ADCY3: variants seen among roughly 807,000 people sequenced by gnomAD.
ADCY3 encodes the protein adenylate cyclase 3.
In ADCY3, 70 loss-of-function variants were observed where a neutral mutation model predicts 119.4. That is an observed-to-expected ratio of 0.59 (90% CI 0.48 to 0.72). The LOEUF (loss-of-function observed/expected upper bound fraction) is 0.72, where lower values mean the gene tolerates loss of function less well. ADCY3 is among the 30% of genes least tolerant of loss of function. ADCY3 has a pLI of 0.00. For missense variants in ADCY3, 1,238 were observed against 1,541.6 expected, an observed-to-expected ratio of 0.80 and a Z score of 3.30; for synonymous variants, 672 against 621.4, an observed-to-expected ratio of 1.08 and a Z score of -1.21.
chr2:24,910,023 G>C (rs1279149045), intron 2 of ADCY3, among the ~76,000 whole-genome samples: 1 of 152,166 alleles, frequency 6.6e-6, no homozygotes, highest in Non-Finnish European at 1.5e-5. Context: ...GAGCTCTGAG[G>C]CTCCAGACAT....
chr2:24,843,117 C>T (rs56207248), intron 3 of ADCY3, among the ~76,000 whole-genome samples: 10,584 of 152,262 alleles, frequency 0.07, 424 homozygotes, highest in East Asian at 0.17. Context: ...ACACGCAAAG[C>T]GCACCAGGGT....
chr2:24,831,635 T>G (rs1456829803), intron 12 of ADCY3, 27 bp downstream of exon 12: 2 of 1,593,070 alleles, frequency 1.3e-6, no homozygotes, highest in South Asian at 1.1e-5. Flanking sequence ...CAGAGGCTTC[T>G]GAGCTCAGTA....
intron 3 of ADCY3, among the ~76,000 whole-genome samples, chr2:24,847,141 G>A (rs1671745790): frequency 6.6e-6 from 1 of 152,150 alleles, no homozygotes. Context: ...GACCCAGAGG[G>A]AGATCATTGA....
chr2:24,904,906 G>A (rs1679299615), intron 2 of ADCY3, among the ~76,000 whole-genome samples: 1 of 152,108 alleles, frequency 6.6e-6, no homozygotes, highest in African/African-American at 2.4e-5. Context: ...CTCCCAAAGT[G>A]TTAGGATTAC....
At chr2:24,830,416 T>G (rs1669326736) in intron 13 of ADCY3, among the ~76,000 whole-genome samples, 1 of 152,166 alleles carries the variant, frequency 6.6e-6, no homozygotes, top group Admixed American at 6.5e-5. Context: ...TTTTCACAGA[T>G]TAAATGAATC....
At chr2:24,904,988 T>G (rs1056212773) in intron 2 of ADCY3, among the ~76,000 whole-genome samples, 2 of 152,036 alleles carry the variant, frequency 1.3e-5, no homozygotes, top group Admixed American at 1.3e-4. Flanking sequence ...ATTGTGTTGT[T>G]TTTGCTTTTT....
At chr2:24,844,751 A>G (rs1671470512) in intron 3 of ADCY3, among the ~76,000 whole-genome samples, 1 of 152,234 alleles carries the variant, frequency 6.6e-6, no homozygotes. Flanking sequence ...GAATCACACC[A>G]TTAGGACAAG....
intron 2 of ADCY3, among the ~76,000 whole-genome samples, chr2:24,891,428 T>C (rs1473257023): frequency 6.6e-6 from 1 of 152,186 alleles, no homozygotes; most frequent in South Asian, 2.1e-4. Flanking sequence ...TTGGTAGCTG[T>C]CTCGGTTATG....
intron 2 of ADCY3, among the ~76,000 whole-genome samples, chr2:24,906,303 T>TA (rs1161889913): frequency 1.4e-4 from 21 of 150,304 alleles, no homozygotes; most frequent in Middle Eastern, 3.4e-3. Context: ...TGAGACTGTT[T>TA]AAAAAAAAAA....
At position 24,834,423 on chromosome 2, in the gene ADCY3, G is replaced by A. The variant is rs1297631355; in HGVS notation, c.1967+62C>T. 24 of 1,388,702 alleles carry A rather than the reference G, an allele frequency of 1.7e-5. No homozygotes were observed. Among genetic ancestry groups the A allele is most frequent in the South Asian group, 3.1e-5 (2 of 65,264 alleles). The allele number at this position is 1,388,702 out of a possible 1,614,324, so 86.0% of individuals were successfully genotyped here. ...GGCTCCCGCTGAGACACCTGCCCCC[G>A]CCCCCCGCCCGGCACCACCGCAGCC... On this transcript the variant is annotated intron_variant, in intron 11 of 21. Coordinates refer to ENST00000679454, the MANE Select transcript of ADCY3 (RefSeq NM_004036.5). The surrounding 1 kb of genome is among the most constrained non-coding windows in gnomAD (Gnocchi z 4.2).
chr2:24,850,777 C>T (rs974330944), intron 3 of ADCY3, among the ~76,000 whole-genome samples: 12 of 152,190 alleles, frequency 7.9e-5, no homozygotes, highest in African/African-American at 2.9e-4. Context: ...TAAAATGACA[C>T]ATCCTCTGGA....
rs1256260976 is a variant in ADCY3 at position 24,819,384 on chromosome 2, A to G, written c.*548T>C. 6.6e-6 allele frequency: 1 copy of G among 152,664 alleles called. No homozygotes were observed. Among genetic ancestry groups the G allele is most frequent in the Admixed American group, 6.5e-5 (1 of 15,276 alleles). 9.5% of individuals were successfully genotyped at this position (152,664 alleles called of 1,614,324 possible). On this transcript the variant is annotated 3_prime_UTR_variant, in exon 22 of 22. Transcript: ENST00000679454. ...AATCCCCCCTCCCCTGCCAGGTGAA[A>G]GGAAATATTGCACTTTCTGTTCTCA...
At chr2:24,917,906 T>C (rs1424372239) in intron 2 of ADCY3, among the ~76,000 whole-genome samples, 2 of 152,232 alleles carry the variant, frequency 1.3e-5, no homozygotes, top group South Asian at 2.1e-4. Flanking sequence ...AAAGGGGCAC[T>C]GAGTCCACAC....
At chr2:24,829,613 G>A (rs1354647846) in intron 13 of ADCY3, among the ~76,000 whole-genome samples, 6 of 151,284 alleles carry the variant, frequency 4.0e-5, no homozygotes, top group African/African-American at 4.9e-5. Context: ...AGTAGAGACG[G>A]GGTTTCAACT....
chr2:24,832,378 G>A (rs749219725), intron 11 of ADCY3, among the ~76,000 whole-genome samples: 1 of 152,104 alleles, frequency 6.6e-6, no homozygotes. Context: ...GACAGAGCAC[G>A]GAGCAGCATC....
At chr2:24,852,927 C>T (rs1358229333) in intron 3 of ADCY3, among the ~76,000 whole-genome samples, 3 of 151,860 alleles carry the variant, frequency 2.0e-5, no homozygotes, top group East Asian at 1.9e-4. Flanking sequence ...AGCCACGGAC[C>T]GTGAGGCACA....
intron 6 of ADCY3, chr2:24,840,743 G>A: frequency 2.9e-6 from 1 of 347,422 alleles, no homozygotes; most frequent in Non-Finnish European, 6.0e-6. Context: ...CAAGAGTAGG[G>A]GACAGTGAGG....
At chr2:24,829,723 C>T (rs955083340) in intron 13 of ADCY3, among the ~76,000 whole-genome samples, 4 of 144,164 alleles carry the variant, frequency 2.8e-5, no homozygotes, top group African/African-American at 1.0e-4. Context: ...CGCCCGGCAC[C>T]GTGTGCTCCA....
At chr2:24,862,950 A>G (rs899546599) in intron 3 of ADCY3, among the ~76,000 whole-genome samples, 11 of 152,154 alleles carry the variant, frequency 7.2e-5, no homozygotes, top group African/African-American at 2.2e-4. Context: ...ATCTCCCCTA[A>G]GGCCATAGGA....
Sources: gnomAD v4.1 joint callset for allele counts (sites outside exome capture counted in the v4.1 genomes callset) on GRCh38, gnomAD v4.1.1 for gene constraint, Gnocchi (gnomAD v3.1) non-coding constraint, MANE v1.5 for transcripts, NCBI Gene and HGNC (gene_info 2026-07-23, HGNC 2026-07-21) for gene names.